LAMB3: variants seen among roughly 807,000 people sequenced by gnomAD.
The protein encoded by LAMB3 is laminin subunit beta 3.
Under a neutral mutation model 140.3 loss-of-function variants are expected in LAMB3, and 104 were observed. The observed-to-expected ratio is 0.74, with a 90% CI of 0.63 to 0.87. LAMB3 has a LOEUF of 0.87. Among genes scored for constraint, LAMB3 ranks in the 40% least tolerant of loss-of-function variants. The pLI, the probability that LAMB3 is intolerant of heterozygous loss-of-function variation, is 0.00. For missense variants in LAMB3, 1,531 were observed against 1,575.2 expected (o/e 0.97, Z 0.47); for synonymous variants, 592 against 602.9 (o/e 0.98, Z 0.26).
chr1:209,622,956 G>T (rs762064237), intron 17 of LAMB3, 26 bp downstream of exon 17: 5 of 1,610,376 alleles, frequency 3.1e-6, no homozygotes, highest in Non-Finnish European at 4.2e-6. Context: ...TCCTACCTGT[G>T]CCCACCCCGC....
At chr1:209,622,147 C>G (rs893690430) in intron 18 of LAMB3, among the ~76,000 whole-genome samples, 19 of 152,178 alleles carry the variant, frequency 1.2e-4, no homozygotes, top group African/African-American at 4.3e-4. Flanking sequence ...AGCCAGTGAA[C>G]AAAGCAGAGA....
intron 18 of LAMB3, 112 bp downstream of exon 18, chr1:209,622,424 G>A (rs932485673): frequency 7.8e-7 from 1 of 1,277,132 alleles, no homozygotes; most frequent in African/African-American, 1.5e-5. Flanking sequence ...TGGAGGCCTG[G>A]ATGTTGCAGG....
chr1:209,645,192 C>T (rs2076505296), intron 3 of LAMB3, among the ~76,000 whole-genome samples: 1 of 152,154 alleles, frequency 6.6e-6, no homozygotes, highest in South Asian at 2.1e-4. Flanking sequence ...CCCCTCAAAA[C>T]AAGACTCATT....
intron 18 of LAMB3, among the ~76,000 whole-genome samples, chr1:209,619,535 T>C (rs992471024): frequency 1.3e-5 from 2 of 152,214 alleles, no homozygotes; most frequent in Non-Finnish European, 2.9e-5. Context: ...GAAAAAGGAA[T>C]ATCAATCCCC....
rs1666545724 is a variant in LAMB3, at chr1:209,628,177, A to T, written c.1146T>A (p.Asp382Glu). The T allele has an allele frequency of 1.3e-6, 2 of 1,560,352 alleles. No homozygotes were observed. Among genetic ancestry groups the T allele is most frequent in the East Asian group, 4.8e-5 (2 of 41,580 alleles). Residue 382 changes from aspartate to glutamate, a missense_variant, in exon 11 of 23, where the codon GAT becomes GAA. Physicochemically the swap from Asp to Glu is conservative, Grantham distance 45. Transcript: ENST00000356082. Reference sequence around the variant, plus strand: ...GAGCCCCTGGCACTGCCCCATCCGGATCACACTCGCAGGCTGAGAGACAAC... The same window carrying T: ...GAGCCCCTGGCACTGCCCCATCCGGTTCACACTCGCAGGCTGAGAGACAAC... ...IQETCISCEC[D>E]PDGAVPGAPC... is the part of the protein sequence containing the mutation.
rs762195834 is a variant in LAMB3, at chr1:209,630,604, A to C, written c.943+11T>G. 1 of 1,614,158 alleles carries C rather than the reference A, an allele frequency of 6.2e-7. No individual in the cohort carries two copies. Among genetic ancestry groups the C allele is most frequent in the East Asian group, 2.2e-5 (1 of 44,878 alleles). On this transcript the variant is annotated intron_variant, in intron 9 of 22. Transcript: ENST00000356082. ...AGACCCTACAGGGGAGGGGTGATCC[A>C]AAGCTCCTACTTTGGCATTCATGGG... is the stretch of plus-strand genomic sequence containing the variant.
intron 20 of LAMB3, 132 bp from the exon 21 acceptor site, chr1:209,617,718 C>T: frequency 8.0e-7 from 1 of 1,248,520 alleles, no homozygotes; most frequent in Non-Finnish European, 1.1e-6. Context: ...GCCCACCTCT[C>T]ACCCCTCCTT....
intron 3 of LAMB3, among the ~76,000 whole-genome samples, chr1:209,641,102 A>T (rs868302435): frequency 0.063 from 2,718 of 43,248 alleles, 50 homozygotes; most frequent in African/African-American, 0.096. Flanking sequence ...AAAAAAATTT[A>T]AAAAAAAAAA....
chr1:209,615,252 C>CG lies in LAMB3; in HGVS notation c.*18dup, dbSNP rs1374867411. 3.1e-6 allele frequency: 5 copies of CG among 1,613,798 alleles called. No individual in the cohort carries two copies. The African/African-American group carries it at 6.7e-5, about 22-fold the overall frequency. ...CAAAGGCGGCAGATGAGTGGGGCAA[C>CG]GGGCTGGAAGCTGTAGCATCACTTG... On this transcript the variant is annotated 3_prime_UTR_variant, in exon 23 of 23. Transcript: ENST00000356082.
intron 5 of LAMB3, among the ~76,000 whole-genome samples, chr1:209,634,932 TC>T (rs1666842661): frequency 7.1e-6 from 1 of 141,818 alleles, no homozygotes; most frequent in Non-Finnish European, 1.6e-5. Flanking sequence ...TCTCTCTCTC[TC>T]TCTCTCTCTC....
Position 209,623,723 on chromosome 1 carries a change from C to T in LAMB3, c.2140G>A (p.Ala714Thr). ...TAGGCTGTGCTCAGCATCCGGAAGG[C>T]TCCTGTGGCGAGAAGCATGAGGAAT... ...EKISSADPSG[A>T]FRMLSTAYEQ... The change falls in exon 16 of 23, where the codon GCC (alanine) becomes ACC (threonine). Residue 714 changes from alanine (A) to threonine (T), a missense_variant and splice_region_variant. Coordinates refer to ENST00000356082, the MANE Select transcript of LAMB3 (RefSeq NM_000228.3). This position sits in a 1 kb window ranked among gnomAD's most constrained non-coding sequence, Gnocchi z 4.2. 1.9e-6 allele frequency: 3 copies of T among 1,614,012 alleles called. No individual in the cohort carries two copies. The highest frequency in any genetic ancestry group is 1.1e-5 in the South Asian group (1 of 91,086).
Position 209,627,570 on chromosome 1 carries a change from C to G in LAMB3, c.1298G>C (p.Cys433Ser), listed in dbSNP as rs1275157911. ...GTCCCTCCGGGACCCCAGGATGTTG[C>G]AGTCACAGCCTGCAGGAGGAGAGCT... The part of the protein sequence containing the change: ...ANPQGCHRCD[C>S]NILGSRRDMP... Residue 433 changes from cysteine (C) to serine (S), a missense_variant, in exon 12 of 23, where the codon TGC (cysteine) becomes TCC (serine). Cys to Ser is a moderately radical substitution (Grantham distance 112). Transcript: ENST00000356082. The G allele has an allele frequency of 6.2e-7, 1 of 1,614,012 alleles. No individual in the cohort carries two copies.
In LAMB3 at chr1:209,625,770, A is replaced by G. The variant is rs1271765738; in HGVS notation, c.1854T>C (p.Arg618=). 1 of 1,614,154 alleles carries G rather than the reference A, an allele frequency of 6.2e-7. No homozygotes were observed. Among genetic ancestry groups the G allele is most frequent in the Admixed American group, 1.7e-5 (1 of 60,022 alleles). ...SLWSGPGLED[R]GLASRILDAK... ...CATCTAGGATCCGGGAGGCCAGGCC[A>G]CGGTCCTCCAGCCCAGGCCCTGACC... The change falls in exon 14 of 23, where the codon CGT becomes CGC. Residue 618 remains arginine, a synonymous_variant. Transcript: ENST00000356082.
At chr1:209,635,887 C>T (rs964311843) in intron 5 of LAMB3, among the ~76,000 whole-genome samples, 15 of 152,226 alleles carry the variant, frequency 9.9e-5, no homozygotes, top group African/African-American at 1.7e-4. Context: ...GCCCTGCCTC[C>T]TCTCAGGCCA....
At chr1:209,641,218 C>A (rs2076466663) in intron 3 of LAMB3, among the ~76,000 whole-genome samples, 1 of 151,932 alleles carries the variant, frequency 6.6e-6, no homozygotes, top group Non-Finnish European at 1.5e-5. Flanking sequence ...AGCATTATTA[C>A]TAGGCACTCC....
intron 18 of LAMB3, 25 bp downstream of exon 18, chr1:209,622,511 A>C: frequency 1.2e-6 from 2 of 1,613,162 alleles, no homozygotes; most frequent in South Asian, 2.2e-5. Context: ...AACAGCAGCC[A>C]AGGTGGGGTG....
Position 209,651,659 on chromosome 1 carries a change from G to A in LAMB3, c.-37-678C>T, listed in dbSNP as rs72758570. Among the ~76,000 whole-genome samples, 384 of 152,302 alleles carry A rather than the reference G, an allele frequency of 2.5e-3. 1 individual carries two copies. The highest frequency in any genetic ancestry group is 3.6e-3 in the Non-Finnish European group (247 of 68,032). Reference sequence around the variant, plus strand: ...GGGCTGGGGCTCGACAAGAGGGGTGGGGCTGGGAGGCCACAAAGCAGGGAT... The same window carrying A: ...GGGCTGGGGCTCGACAAGAGGGGTGAGGCTGGGAGGCCACAAAGCAGGGAT... On this transcript the variant is annotated intron_variant, in intron 1 of 22. Coordinates refer to ENST00000356082, the MANE Select transcript of LAMB3 (RefSeq NM_000228.3).
At chr1:209,635,568 A>G (rs1666868979) in intron 5 of LAMB3, among the ~76,000 whole-genome samples, 1 of 151,992 alleles carries the variant, frequency 6.6e-6, no homozygotes, top group African/African-American at 2.4e-5. Flanking sequence ...ATGCCCTGCT[A>G]ATTTTTGTAT....
intron 3 of LAMB3, among the ~76,000 whole-genome samples, chr1:209,640,542 T>G (rs184068133): frequency 6.6e-6 from 1 of 151,476 alleles, no homozygotes; most frequent in Admixed American, 6.6e-5. Context: ...AGCGAGACTC[T>G]GTCTCAAAAA....
Sources: gnomAD v4.1 joint callset for allele counts (sites outside exome capture counted in the v4.1 genomes callset) on GRCh38, gnomAD v4.1.1 for gene constraint, Gnocchi (gnomAD v3.1) non-coding constraint, MANE v1.5 for transcripts, NCBI Gene and HGNC (gene_info 2026-07-23, HGNC 2026-07-21) for gene names.